The following DOCK3 variants were observed in gnomAD, a reference collection of about 807,000 sequenced individuals.
DOCK3 encodes dedicator of cytokinesis 3, also known as dedicator of cytokinesis protein 3.
In DOCK3, 60 loss-of-function variants were observed where a neutral mutation model predicts 265.6. The ratio of observed to expected loss-of-function variants is 0.23; its 90% CI spans 0.18 to 0.28. The LOEUF (loss-of-function observed/expected upper bound fraction) is 0.28, where lower values mean the gene tolerates loss of function less well. Ranked by LOEUF, DOCK3 falls within the 10% of genes least tolerant of loss-of-function variation. DOCK3 has a pLI of 1.00. For missense variants in DOCK3, 1,981 were observed against 2,594.3 expected (o/e 0.76, Z 5.14); for synonymous variants, 881 against 938.0 (o/e 0.94, Z 1.11).
intron 5 of DOCK3, among the ~76,000 whole-genome samples, chr3:50,986,125 A>T (rs1483189039): frequency 2.6e-5 from 4 of 152,134 alleles, no homozygotes; most frequent in South Asian, 4.1e-4. Flanking sequence ...TTTAATTAAC[A>T]TTTACTGAGA....
intron 2 of DOCK3, among the ~76,000 whole-genome samples, chr3:50,804,381 G>A (rs1433130493): frequency 3.9e-5 from 6 of 152,176 alleles, no homozygotes; most frequent in African/African-American, 1.4e-4. Flanking sequence ...GGGAGGCCAA[G>A]GCAGGCGGCT....
intron 3 of DOCK3, among the ~76,000 whole-genome samples, chr3:50,858,843 G>C (rs1208691638): frequency 2.6e-5 from 4 of 151,972 alleles, no homozygotes; most frequent in African/African-American, 9.7e-5. Context: ...CAGAGGTTTT[G>C]TTCATTTCTT....
chr3:50,973,588 G>A (rs79015500), intron 5 of DOCK3, among the ~76,000 whole-genome samples: 4 of 147,594 alleles, frequency 2.7e-5, no homozygotes, highest in Admixed American at 6.9e-5. Context: ...GAATAGTGCC[G>A]CAATAAACAT....
chr3:51,355,071 G>A lies in DOCK3; in HGVS notation c.4249+48G>A, dbSNP rs773597943. 5 of 1,589,800 alleles carry A rather than the reference G, an allele frequency of 3.1e-6. No individual in the cohort carries two copies. The South Asian group carries it at 5.6e-5, about 18-fold the overall frequency. On this transcript the variant is annotated intron_variant, in intron 41 of 52. Transcript: ENST00000266037. The stretch of plus-strand genomic sequence containing the variant: ...AGGAGGAGGGCAGGGGCCCTGGGAG[G>A]TGAGATCCACCCAGTCAGCTGCCCC...
At chr3:50,925,824 CTTTTTT>C (rs368819970) in intron 4 of DOCK3, among the ~76,000 whole-genome samples, 1 of 88,420 alleles carries the variant, frequency 1.1e-5, no homozygotes, top group African/African-American at 5.2e-5. Flanking sequence ...TAAAACTAGT[CTTTTTT>C]TTTTTTTTTT....
intron 9 of DOCK3, among the ~76,000 whole-genome samples, chr3:51,093,180 A>G (rs975826030): frequency 7.9e-5 from 12 of 152,108 alleles, no homozygotes; most frequent in Non-Finnish European, 4.4e-5. Flanking sequence ...TTGGTTCCAT[A>G]TGAAATTTAA....
chr3:51,053,064 T>C (rs949231131), intron 5 of DOCK3, among the ~76,000 whole-genome samples: 4 of 97,392 alleles, frequency 4.1e-5, no homozygotes, highest in African/African-American at 1.5e-4. Flanking sequence ...GTTTCATCTT[T>C]TAAAAAAGTC....
chr3:50,724,857 G>A (rs1047583662), intron 1 of DOCK3, among the ~76,000 whole-genome samples: 6 of 152,054 alleles, frequency 3.9e-5, no homozygotes, highest in Admixed American at 1.3e-4. Context: ...GCTGGGCATG[G>A]TGGCACACAC....
At chr3:51,252,129 C>T (rs1356230836) in intron 22 of DOCK3, among the ~76,000 whole-genome samples, 2 of 152,140 alleles carry the variant, frequency 1.3e-5, no homozygotes, top group Non-Finnish European at 2.9e-5. Context: ...ATCCTTTCCC[C>T]ATTTCTTGTT....
At chr3:51,315,749 A>G (rs2083327978) in intron 32 of DOCK3, among the ~76,000 whole-genome samples, 1 of 152,174 alleles carries the variant, frequency 6.6e-6, no homozygotes, top group Admixed American at 6.5e-5. Context: ...ATAACTTGCT[A>G]ACAGCAAAAA....
chr3:51,109,643 G>A (rs1017806770), intron 9 of DOCK3, among the ~76,000 whole-genome samples: 1 of 152,042 alleles, frequency 6.6e-6, no homozygotes, highest in Admixed American at 6.6e-5. Flanking sequence ...AGAAGACCCA[G>A]CCAGATGAAA....
intron 5 of DOCK3, among the ~76,000 whole-genome samples, chr3:50,944,518 C>T (rs2076377541): frequency 6.6e-6 from 1 of 152,156 alleles, no homozygotes; most frequent in African/African-American, 2.4e-5. Flanking sequence ...TTATATTTTT[C>T]CCTGTGCCAA....
intron 17 of DOCK3, 128 bp from the exon 18 acceptor site, chr3:51,228,533 A>G: frequency 9.9e-7 from 1 of 1,014,196 alleles, no homozygotes; most frequent in Non-Finnish European, 1.4e-6. Context: ...TACTCTTCCA[A>G]GAGGACCTGA....
chr3:50,683,836 T>C (rs992838233), intron 1 of DOCK3, among the ~76,000 whole-genome samples: 172 of 60,524 alleles, frequency 2.8e-3, no homozygotes, highest in African/African-American at 4.9e-3. Flanking sequence ...CCCGCTCTCC[T>C]CCCCCCCCCC....
chr3:50,762,232 G>A (rs959961004), intron 1 of DOCK3, among the ~76,000 whole-genome samples: 6 of 151,262 alleles, frequency 4.0e-5, no homozygotes, highest in African/African-American at 1.2e-4. Context: ...TTGTGCATAA[G>A]TACCCTAGAA....
At chr3:50,937,421 G>A (rs982203738) in intron 5 of DOCK3, among the ~76,000 whole-genome samples, 4 of 152,070 alleles carry the variant, frequency 2.6e-5, no homozygotes, top group East Asian at 1.9e-4. Context: ...TTGGGAGGCC[G>A]AGGCGGGCAG....
intron 38 of DOCK3, among the ~76,000 whole-genome samples, chr3:51,342,339 C>G (rs999981000): frequency 6.6e-6 from 1 of 152,228 alleles, no homozygotes; most frequent in Non-Finnish European, 1.5e-5. Context: ...CGCAGAAACT[C>G]TTATGTAACC....
At chr3:51,057,428 T>C (rs1028291511) in intron 5 of DOCK3, among the ~76,000 whole-genome samples, 1 of 152,212 alleles carries the variant, frequency 6.6e-6, no homozygotes, top group South Asian at 2.1e-4. Context: ...CTCCTCCTCA[T>C]TGAATTTTCC....
At chr3:51,263,479 A>C (rs12493034) in intron 23 of DOCK3, among the ~76,000 whole-genome samples, 1 of 152,214 alleles carries the variant, frequency 6.6e-6, no homozygotes, top group Non-Finnish European at 1.5e-5. Flanking sequence ...CCAAATTATA[A>C]GGATCATCGA....
Sources: allele counts gnomAD v4.1 joint callset (sites outside exome capture counted in the v4.1 genomes callset), GRCh38; gene constraint gnomAD v4.1.1; transcripts MANE v1.5; gene names NCBI Gene and HGNC (gene_info 2026-07-23, HGNC 2026-07-21).